PHACTR2: variants seen among roughly 807,000 people sequenced by gnomAD.
PHACTR2 encodes the protein phosphatase and actin regulator 2, also known as chromosome 6 open reading frame 56.
In PHACTR2, 30 loss-of-function variants were observed where a neutral mutation model predicts 76.0. That is an observed-to-expected ratio of 0.39 (90% confidence interval 0.30 to 0.54). PHACTR2 has a LOEUF of 0.54. Ranked by LOEUF, PHACTR2 falls within the 20% of genes least tolerant of loss-of-function variation. The probability of loss-of-function intolerance (pLI) is 0.61; values close to 1 mark genes in which losing one functional copy is unlikely to be tolerated. For synonymous variants in PHACTR2, 292 were observed against 292.5 expected (o/e 1.00, Z 0.02); for missense variants, 696 against 781.1 (o/e 0.89, Z 1.30).
upstream of PHACTR2, among the ~76,000 whole-genome samples, chr6:143,606,208 G>A (rs1298274796): frequency 3.9e-5 from 6 of 152,080 alleles, no homozygotes; most frequent in East Asian, 7.7e-4. Flanking sequence ...TTTTAATAGC[G>A]TCACGTCACT....
Position 143,585,412 on chromosome 6 carries a change from G to A in PHACTR2, c.217+48205G>A, listed in dbSNP as rs1415432803. Among the ~76,000 whole-genome samples the A allele has an allele frequency of 2.6e-5, 4 of 152,182 alleles. No homozygotes were observed. The highest frequency in any genetic ancestry group is 5.9e-5 in the Non-Finnish European group (4 of 68,030). On this transcript the variant is annotated intron_variant, in intron 1 of 11. Coordinates refer to the PHACTR2 transcript ENST00000367584. The surrounding 1 kb of genome is among the most constrained non-coding windows in gnomAD (Gnocchi z 5.2). ...CCAAATCTCAGTTAAAATAGAAGCT[G>A]AGATTCCAGGCAGCACAAGAACAAC... is the stretch of plus-strand genomic sequence containing the variant.
In PHACTR2 at chr6:143,783,373, T is replaced by A; in HGVS notation, c.1707+93T>A. 1 of 715,926 alleles carries A rather than the reference T, an allele frequency of 1.4e-6. No homozygotes were observed. The highest frequency in any genetic ancestry group is 2.4e-6 in the Non-Finnish European group (1 of 418,384). The allele number at this position is 715,926 out of a possible 1,614,324, so 44.3% of individuals were successfully genotyped here. A position where few individuals can be genotyped will look rare whatever the true frequency, so the allele number is the denominator to read the frequency against. Reference sequence around the variant, plus strand: ...CCTCTCTGTATGTGTAAATCAGATGTTTAGAAATAATTATTCCTATTAGTC... The same window carrying A: ...CCTCTCTGTATGTGTAAATCAGATGATTAGAAATAATTATTCCTATTAGTC... On this transcript the variant is annotated intron_variant, in intron 10 of 12. Transcript: ENST00000440869. This position sits in a 1 kb window ranked among gnomAD's most constrained non-coding sequence, Gnocchi z 5.2.
intron 11 of PHACTR2, among the ~76,000 whole-genome samples, chr6:143,798,430 A>G (rs898480479): frequency 6.6e-6 from 1 of 152,156 alleles, no homozygotes; most frequent in Non-Finnish European, 1.5e-5. Flanking sequence ...AACTTCCAAC[A>G]TTATGTTGAA....
chr6:143,637,285 G>T (rs762939417), intron 1 of PHACTR2, among the ~76,000 whole-genome samples: 1 of 149,594 alleles, frequency 6.7e-6, no homozygotes, highest in Non-Finnish European at 1.5e-5. Flanking sequence ...CCATTCTTTT[G>T]TTTTTCTAAG....
intron 12 of PHACTR2, chr6:143,810,642 C>G (rs1776155278): frequency 2.4e-6 from 1 of 412,570 alleles, no homozygotes; most frequent in Non-Finnish European, 4.8e-6. Context: ...CCAGCCTGGT[C>G]AACATAGTGA....
Position 143,830,022 on chromosome 6 carries a change from A to G in PHACTR2, c.*6333A>G, listed in dbSNP as rs1025820246. The G allele has an allele frequency of 2.4e-4, 37 of 152,298 alleles. No homozygotes were observed. The highest frequency in any genetic ancestry group is 8.7e-4 in the African/African-American group (36 of 41,576). The allele number at this position is 152,298 out of a possible 1,614,324, so 9.4% of individuals were successfully genotyped here. On this transcript the variant is annotated 3_prime_UTR_variant, in exon 13 of 13. Coordinates refer to ENST00000440869, the MANE Select transcript of PHACTR2 (RefSeq NM_001100164.2). ...TTCCCTTACTGGATACTTTTGTTAT[A>G]GTTTGACTATGTCATTATGTTGTTT...
chr6:143,774,153 G>T lies in PHACTR2; in HGVS notation c.1527G>T (p.Leu509Phe). Residue 509 changes from leucine to phenylalanine, a missense_variant, in exon 8 of 13, where the codon TTG becomes TTT. By Grantham distance (22) the Leu-to-Phe change is conservative. Transcript: ENST00000440869. This position sits in a 1 kb window ranked among gnomAD's most constrained non-coding sequence, Gnocchi z 5.4. Reference sequence around the variant, plus strand: ...AAGAACTAGAGGACAAAAACATCTTGCAGCGTACATCTGAAGAAGAGAGGC... The same window carrying T: ...AAGAACTAGAGGACAAAAACATCTTTCAGCGTACATCTGAAGAAGAGAGGC... ...SKKELEDKNI[L>F]QRTSEEERQE... is the part of the protein sequence containing the mutation. 6.2e-7 allele frequency: 1 copy of T among 1,614,018 alleles called. No homozygotes were observed. The highest frequency in any genetic ancestry group is 2.2e-5 in the East Asian group (1 of 44,876).
chr6:143,667,434 G>T (rs766392817), intron 1 of PHACTR2, among the ~76,000 whole-genome samples: 25 of 152,172 alleles, frequency 1.6e-4, no homozygotes, highest in Middle Eastern at 3.4e-3. Context: ...AGCTTGATGG[G>T]GATAGCATTG....
chr6:143,720,735 C>G (rs6915805), intron 2 of PHACTR2, among the ~76,000 whole-genome samples: 53,367 of 151,936 alleles, frequency 0.35, 9,781 homozygotes, highest in Middle Eastern at 0.43. Flanking sequence ...CCTCAAGTCC[C>G]CTGAGTCATT....
chr6:143,661,105 T>TA (rs1311952282), intron 1 of PHACTR2, among the ~76,000 whole-genome samples: 3 of 152,156 alleles, frequency 2.0e-5, no homozygotes, highest in South Asian at 4.1e-4. Context: ...AAAATATTCA[T>TA]AAAAAATTCA....
At position 143,654,533 on chromosome 6, in the gene PHACTR2, T is replaced by G. The variant is rs988013122; in HGVS notation, c.13+46211T>G. On this transcript the variant is annotated intron_variant, in intron 1 of 11. Coordinates refer to the PHACTR2 transcript ENST00000305766. This position sits in a 1 kb window ranked among gnomAD's most constrained non-coding sequence, Gnocchi z 4.6. ...ATTAAAAAAAATAAAGGCTGGATAC[T>G]GTGGCTCACACCTGTAATCTTGGCA... 2.6e-5 allele frequency among the ~76,000 whole-genome samples: 4 copies of G among 152,152 alleles called. No individual in the cohort carries two copies. Among genetic ancestry groups the G allele is most frequent in the African/African-American group, 9.7e-5 (4 of 41,434 alleles).
intron 2 of PHACTR2, among the ~76,000 whole-genome samples, chr6:143,744,824 C>T (rs1779020087): frequency 6.6e-6 from 1 of 152,166 alleles, no homozygotes. Context: ...AAATACAGGG[C>T]AGTGTTTCCT....
chr6:143,778,889 CA>C (rs1482854786), intron 9 of PHACTR2, among the ~76,000 whole-genome samples: 1 of 152,190 alleles, frequency 6.6e-6, no homozygotes, highest in Admixed American at 6.5e-5. Flanking sequence ...GGAACTGTTT[CA>C]TAGATCTAGA....
chr6:143,681,869 C>G (rs1357032373), intron 1 of PHACTR2, among the ~76,000 whole-genome samples: 1 of 152,154 alleles, frequency 6.6e-6, no homozygotes, highest in Non-Finnish European at 1.5e-5. Context: ...TCCACCGTTG[C>G]CAAAAATTGA....
In PHACTR2 at chr6:143,793,810, G is replaced by A. The variant is rs867571318; in HGVS notation, c.1845+4900G>A. On this transcript the variant is annotated intron_variant, in intron 11 of 12. Coordinates refer to ENST00000440869, the MANE Select transcript of PHACTR2 (RefSeq NM_001100164.2). The surrounding 1 kb of genome is among the most constrained non-coding windows in gnomAD (Gnocchi z 4.4). Reference sequence around the variant, plus strand: ...CGCGTACCTGTAGTCCCAGCTACTCGGGAAGCTGAGGTGGGAGAATTGCTT... The same window carrying A: ...CGCGTACCTGTAGTCCCAGCTACTCAGGAAGCTGAGGTGGGAGAATTGCTT... Among the ~76,000 whole-genome samples the A allele has an allele frequency of 7.9e-5, 12 of 152,122 alleles. No individual in the cohort carries two copies. Among genetic ancestry groups the A allele is most frequent in the Middle Eastern group, 3.4e-3 (1 of 294 alleles).
At chr6:143,701,937 C>T (rs1777922900) in intron 1 of PHACTR2, among the ~76,000 whole-genome samples, 1 of 152,048 alleles carries the variant, frequency 6.6e-6, no homozygotes, top group Non-Finnish European at 1.5e-5. Flanking sequence ...ATCATTTAAC[C>T]TAGTCTCCTA....
rs954261388 is a variant in PHACTR2 at position 143,772,159 on chromosome 6, A to G, written c.1233-99A>G. 1.3e-4 allele frequency: 105 copies of G among 802,406 alleles called. No individual in the cohort carries two copies. The East Asian group carries it at 1.9e-3, about 14-fold the overall frequency. The allele number at this position is 802,406 out of a possible 1,614,324, so 49.7% of individuals were successfully genotyped here. On this transcript the variant is annotated intron_variant, in intron 6 of 12. Coordinates refer to ENST00000440869, the MANE Select transcript of PHACTR2 (RefSeq NM_001100164.2). The surrounding 1 kb of genome is among the most constrained non-coding windows in gnomAD (Gnocchi z 5.4). ...TCAAGTGTCTGCTTTCCTCAGCCTGAAGGAAGCCCATGAAACTAGAGCTCT... is the reference window on the plus strand; with the variant it reads ...TCAAGTGTCTGCTTTCCTCAGCCTGGAGGAAGCCCATGAAACTAGAGCTCT...
chr6:143,689,905 G>A lies in PHACTR2; in HGVS notation c.46+11696G>A, dbSNP rs12525974. On this transcript the variant is annotated intron_variant, in intron 1 of 12. Coordinates refer to ENST00000440869, the MANE Select transcript of PHACTR2 (RefSeq NM_001100164.2). This position sits in a 1 kb window ranked among gnomAD's most constrained non-coding sequence, Gnocchi z 4.4. ...ACAGGGTTTCGCCAGGCTGGTCTTG[G>A]CAATCTGGTCTTGAACTTCTGAACT... Among the ~76,000 whole-genome samples the A allele has an allele frequency of 0.16, 24,362 of 151,962 alleles. 2,247 individuals carry two copies. The highest frequency in any genetic ancestry group is 0.26 in the Middle Eastern group (75 of 294).
rs149492208 is a variant in PHACTR2, at chr6:143,775,310, A to G, written c.1589+1095A>G. 6.6e-6 allele frequency among the ~76,000 whole-genome samples: 1 copy of G among 152,154 alleles called. No individual in the cohort carries two copies. Among genetic ancestry groups the G allele is most frequent in the South Asian group, 2.1e-4 (1 of 4,826 alleles). The stretch of plus-strand genomic sequence containing the variant: ...TAAACCCTCTTGCGACTCTGGAAGA[A>G]ATTTGGGAATGTTTACCAGTGGTCT... On this transcript the variant is annotated intron_variant, in intron 8 of 12. Transcript: ENST00000440869. This position sits in a 1 kb window ranked among gnomAD's most constrained non-coding sequence, Gnocchi z 4.4.
Sources: gnomAD v4.1 joint callset for allele counts (sites outside exome capture counted in the v4.1 genomes callset) on GRCh38, gnomAD v4.1.1 for gene constraint, Gnocchi (gnomAD v3.1) non-coding constraint, MANE v1.5 for transcripts, NCBI Gene and HGNC (gene_info 2026-07-23, HGNC 2026-07-21) for gene names.